The following PXYLP1 variants were observed in gnomAD, a reference collection of about 807,000 sequenced individuals.
PXYLP1 encodes acid phosphatase-like 2.
In PXYLP1, 17 loss-of-function variants were observed where a neutral mutation model predicts 37.9. The ratio of observed to expected loss-of-function variants is 0.45; its 90% CI spans 0.31 to 0.67. The LOEUF (loss-of-function observed/expected upper bound fraction) is 0.67. Among genes scored for constraint, PXYLP1 ranks in the 30% least tolerant of loss-of-function variants. The pLI is 0.07. For synonymous variants in PXYLP1, 221 were observed against 232.2 expected (o/e 0.95, Z 0.44); for missense variants, 511 against 612.0 (o/e 0.84, Z 1.74).
At chr3:141,275,626 C>G (rs1258010282) in intron 2 of PXYLP1, among the ~76,000 whole-genome samples, 1 of 152,200 alleles carries the variant, frequency 6.6e-6, no homozygotes, top group Non-Finnish European at 1.5e-5. Context: ...GTAGTGAATT[C>G]CCTCTGAACA....
chr3:141,286,442 T>G (rs1196896324), intron 4 of PXYLP1, among the ~76,000 whole-genome samples: 1 of 152,050 alleles, frequency 6.6e-6, no homozygotes, highest in African/African-American at 2.4e-5. Context: ...TAAAGGGGGA[T>G]TTTTCAGAGG....
intron 1 of PXYLP1, among the ~76,000 whole-genome samples, chr3:141,255,424 T>C (rs543881376): frequency 6.6e-6 from 1 of 152,376 alleles, no homozygotes; most frequent in African/African-American, 2.4e-5. Flanking sequence ...TGATGCCATG[T>C]TGAGCCAAGA....
intron 4 of PXYLP1, among the ~76,000 whole-genome samples, chr3:141,280,788 G>A (rs924003823): frequency 2.6e-5 from 4 of 152,138 alleles, no homozygotes; most frequent in East Asian, 1.9e-4. Context: ...CTCCTAAAAG[G>A]TGGTGTGCCC....
rs772284963 is a variant in PXYLP1, at chr3:141,292,616, C to T, written c.854C>T (p.Pro285Leu). 1.9e-6 allele frequency: 3 copies of T among 1,613,906 alleles called. No individual in the cohort carries two copies. The South Asian group carries it at 3.3e-5, about 18-fold the overall frequency. The change falls in exon 6 of 6, where the codon CCC becomes CTC. Residue 285 changes from proline (P) to leucine (L), a missense_variant. Pro to Leu is a moderately conservative substitution (Grantham distance 98). Coordinates refer to ENST00000286353, the MANE Select transcript of PXYLP1 (RefSeq NM_001037172.3). This position sits in a 1 kb window ranked among gnomAD's most constrained non-coding sequence, Gnocchi z 4.3. The stretch of plus-strand genomic sequence containing the variant: ...GAGATGGCCAAGATCGTGGATGTCC[C>T]CACCAAGCAGCTTAGAGCTGCCAAC... ...YGEMAKIVDV[P>L]TKQLRAANPI... is the part of the protein sequence containing the mutation.
intron 1 of PXYLP1, among the ~76,000 whole-genome samples, chr3:141,252,077 G>C (rs953082031): frequency 2.0e-5 from 3 of 152,156 alleles, no homozygotes; most frequent in African/African-American, 4.8e-5. Flanking sequence ...TTATCACGTA[G>C]AGCAGGGCTC....
intron 2 of PXYLP1, chr3:141,262,832 T>A: frequency 1.2e-6 from 1 of 802,512 alleles, no homozygotes; most frequent in Non-Finnish European, 2.0e-6. Flanking sequence ...GAAACAGCAC[T>A]AATTCATAAC....
chr3:141,284,679 C>T (rs144789561), intron 4 of PXYLP1, among the ~76,000 whole-genome samples: 10 of 152,282 alleles, frequency 6.6e-5, no homozygotes, highest in East Asian at 1.9e-4. Flanking sequence ...TTACTTATAA[C>T]GCCAAACACA....
At chr3:141,242,670 A>T (rs1490620561) in intron 1 of PXYLP1, among the ~76,000 whole-genome samples, 1 of 152,206 alleles carries the variant, frequency 6.6e-6, no homozygotes, top group Non-Finnish European at 1.5e-5. Context: ...GTTAATCTGT[A>T]TTTGTAGACA....
In PXYLP1 at chr3:141,278,215, C is replaced by T. The variant is rs546395052; in HGVS notation, c.80-127C>T. On this transcript the variant is annotated intron_variant, in intron 2 of 5. Coordinates refer to ENST00000286353, the MANE Select transcript of PXYLP1 (RefSeq NM_001037172.3). ...GAATGGGAAGCTGACTTCTGCTCCA[C>T]TGAAGTGCACCTTGATTCTCAGTGT... The T allele has an allele frequency of 9.0e-6, 10 of 1,109,106 alleles. No individual in the cohort carries two copies. In the African/African-American group the frequency reaches 1.6e-4, roughly 17 times the overall value. The allele number at this position is 1,109,106 out of a possible 1,614,324, so 68.7% of individuals were successfully genotyped here. A position where few individuals can be genotyped will look rare whatever the true frequency, so the allele number is the denominator to read the frequency against.
chr3:141,264,046 G>T (rs1178352642), intron 2 of PXYLP1, among the ~76,000 whole-genome samples: 1 of 152,218 alleles, frequency 6.6e-6, no homozygotes, highest in African/African-American at 2.4e-5. Flanking sequence ...CGTTGGCCAT[G>T]ATGGGGTTAA....
At chr3:141,239,212 C>G (rs548683586) in intron 1 of PXYLP1, among the ~76,000 whole-genome samples, 1 of 152,318 alleles carries the variant, frequency 6.6e-6, no homozygotes, top group South Asian at 2.1e-4. Flanking sequence ...TCTGACTTCT[C>G]TGGTCATGAT....
intron 3 of PXYLP1, 48 bp downstream of exon 3, chr3:141,278,548 T>C: frequency 6.2e-7 from 1 of 1,604,988 alleles, no homozygotes; most frequent in Non-Finnish European, 8.5e-7. Context: ...GGGGACTAGT[T>C]ATTCCAGCAG....
Position 141,293,508 on chromosome 3 carries a change from A to G in PXYLP1, c.*303A>G. The stretch of plus-strand genomic sequence containing the variant: ...CCTGAAGTTGCCAATCCAAGTTTGC[A>G]CTCTTCTGGCCTGCCCCATGTTACT... On this transcript the variant is annotated 3_prime_UTR_variant, in exon 6 of 6. Transcript: ENST00000286353. 1 of 340,402 alleles carries G rather than the reference A, an allele frequency of 2.9e-6. No individual in the cohort carries two copies. The highest frequency in any genetic ancestry group is 5.3e-6 in the Non-Finnish European group (1 of 187,036). 21.1% of individuals were successfully genotyped at this position (340,402 alleles called of 1,614,324 possible). A position where few individuals can be genotyped will look rare whatever the true frequency, so the allele number is the denominator to read the frequency against.
chr3:141,290,338 A>G (rs1195910674), intron 5 of PXYLP1, among the ~76,000 whole-genome samples: 1 of 152,252 alleles, frequency 6.6e-6, no homozygotes, highest in African/African-American at 2.4e-5. Context: ...ACAGACCTGT[A>G]GCATGGGGAG....
Position 141,260,097 on chromosome 3 carries a change from A to C in PXYLP1, c.-53-26A>C. 5 of 1,556,618 alleles carry C rather than the reference A, an allele frequency of 3.2e-6. No homozygotes were observed. In the South Asian group the frequency reaches 5.7e-5, roughly 18 times the overall value. ...TTTAGTTCTCCACCTCTAAACACTCATTTATCACCTCTGCTTTATTCACAG... is the reference window on the plus strand; with the variant it reads ...TTTAGTTCTCCACCTCTAAACACTCCTTTATCACCTCTGCTTTATTCACAG... On this transcript the variant is annotated intron_variant, in intron 1 of 5. Transcript: ENST00000286353.
chr3:141,284,516 C>G (rs1942027436), intron 4 of PXYLP1, among the ~76,000 whole-genome samples: 1 of 152,148 alleles, frequency 6.6e-6, no homozygotes, highest in South Asian at 2.1e-4. Context: ...TCCACACTAG[C>G]CTTTAGTTTT....
intron 2 of PXYLP1, chr3:141,273,074 G>T (rs1425538299): frequency 1.0e-6 from 1 of 985,436 alleles, no homozygotes; most frequent in Non-Finnish European, 1.2e-6. Context: ...AGTGCAGGGG[G>T]CCCCGTGCCT....
intron 4 of PXYLP1, among the ~76,000 whole-genome samples, chr3:141,285,391 C>T (rs1473928016): frequency 6.6e-6 from 1 of 151,884 alleles, no homozygotes; most frequent in Non-Finnish European, 1.5e-5. Flanking sequence ...GTCCTCCCAC[C>T]TCGGCCTCCC....
In PXYLP1 at chr3:141,235,967, C is replaced by T. The variant is rs183332205; in HGVS notation, c.-54+4056C>T. Among the ~76,000 whole-genome samples, 5 of 152,292 alleles carry T rather than the reference C, an allele frequency of 3.3e-5. No individual in the cohort carries two copies. The East Asian group carries it at 5.8e-4, about 18-fold the overall frequency. ...GAAAAAGTTCAGTCTGCAGTGATGG[C>T]GGGAACAATCTCAGGAGTCTGGAAG... On this transcript the variant is annotated intron_variant, in intron 1 of 5. Coordinates refer to ENST00000286353, the MANE Select transcript of PXYLP1 (RefSeq NM_001037172.3).
Sources: gnomAD v4.1 joint callset for allele counts (sites outside exome capture counted in the v4.1 genomes callset) on GRCh38, gnomAD v4.1.1 for gene constraint, Gnocchi (gnomAD v3.1) non-coding constraint, MANE v1.5 for transcripts, NCBI Gene and HGNC (gene_info 2026-07-23, HGNC 2026-07-21) for gene names.